ZMYM3: variants seen among roughly 807,000 people sequenced by gnomAD.
The protein encoded by ZMYM3 is zinc finger MYM-type containing 3.
ZMYM3 carries 6 observed loss-of-function variants against 94.2 expected under a neutral mutation model. The observed-to-expected ratio is 0.06, with a 90% CI of 0.03 to 0.13. The LOEUF is 0.13. Ranked by LOEUF, ZMYM3 falls within the 10% of genes least tolerant of loss-of-function variation. The pLI, the probability that ZMYM3 is intolerant of heterozygous loss-of-function variation, is 1.00. For synonymous variants in ZMYM3, 420 were observed against 426.5 expected, an observed-to-expected ratio of 0.98 and a Z score of 0.19; for missense variants, 664 against 1,132.6, an observed-to-expected ratio of 0.59 and a Z score of 5.94.
intron 22 of ZMYM3, 21 bp from the exon 23 acceptor site, chrX:71,242,445 AG>A (rs1220208014): frequency 1.7e-6 from 2 of 1,203,176 alleles, no homozygotes; most frequent in East Asian, 6.0e-5. Context: ...CAAGGGGGAG[AG>A]GCCAGTCAGG....
chrX:71,249,753 C>G (rs1361563549), intron 6 of ZMYM3, 74 bp from the exon 7 acceptor site: 11 of 1,151,224 alleles, frequency 9.6e-6, no homozygotes, highest in South Asian at 8.2e-5. Flanking sequence ...GTCAGCCCCC[C>G]ACCTCACCCT....
intron 13 of ZMYM3, 92 bp from the exon 14 acceptor site, chrX:71,246,784 A>C: frequency 1.2e-6 from 1 of 861,155 alleles, no homozygotes. Flanking sequence ...TAACAGGTAC[A>C]CCAAATACAG....
At chrX:71,246,160 A>C in intron 15 of ZMYM3, 62 bp from the exon 16 acceptor site, 3 of 1,128,175 alleles carry the variant, frequency 2.7e-6, no homozygotes, top group Non-Finnish European at 3.6e-6. Context: ...TGACCCACCA[A>C]AAGCTCTAAC....
intron 13 of ZMYM3, among the ~76,000 whole-genome samples, 170 bp downstream of exon 13, chrX:71,247,174 TC>T (rs1264945947): frequency 9.0e-6 from 1 of 111,167 alleles, no homozygotes; most frequent in African/African-American, 3.3e-5. Flanking sequence ...TAAATAAGAC[TC>T]CCCCGGTACC....
rs1483495652 is a variant in ZMYM3, at chrX:71,241,003, G to T, written c.4026C>A (p.Ser1342Arg). The T allele has an allele frequency of 8.3e-7, 1 of 1,211,666 alleles. No individual in the cohort carries two copies. Among genetic ancestry groups the T allele is most frequent in the Non-Finnish European group, 1.1e-6 (1 of 895,480 alleles). ...LWYSVIPMDR[S>R]MLESMLNRIL... is the part of the protein sequence containing the mutation. ...TGCGATTGAGCATGCTCTCCAACATGCTGCGGTCCATGGGGATCACAGAAT... is the reference window on the plus strand; with the variant it reads ...TGCGATTGAGCATGCTCTCCAACATTCTGCGGTCCATGGGGATCACAGAAT... The change falls in exon 25 of 25, where the codon AGC (serine) becomes AGA (arginine). Residue 1342 changes from serine to arginine, a missense_variant. Around this residue, in one of 9 missense-constraint regions of ZMYM3, gnomAD observed 58 missense variants for 112.4 expected, o/e 0.52. Transcript: ENST00000314425.
In ZMYM3 at chrX:71,252,591, G is replaced by T; in HGVS notation, c.665C>A (p.Pro222Gln). ...CTCCAGATAATTAGGCAACCTACCT[G>T]GCAAGGAAGGATGTGCAGGGGGGCT... ...GSSPPAHPSL[P>Q]GDGLTAKASE... is the part of the protein sequence containing the mutation. The change falls in exon 2 of 25, where the codon CCA becomes CAA. Residue 222 changes from proline to glutamine, a missense_variant and splice_region_variant. By Grantham distance (76) the Pro-to-Gln change is moderately conservative (BLOSUM62 -1). This residue lies in a region of ZMYM3 where 196 missense variants were observed against 190.8 expected (regional missense o/e 1.03). Coordinates refer to ENST00000314425, the MANE Select transcript of ZMYM3 (RefSeq NM_201599.3). The T allele has an allele frequency of 8.8e-7, 1 of 1,136,677 alleles. No individual in the cohort carries two copies. The highest frequency in any genetic ancestry group is 1.2e-6 in the Non-Finnish European group (1 of 860,219). 93.7% of individuals were successfully genotyped at this position (1,136,677 alleles called of 1,213,427 possible). A position where few individuals can be genotyped will look rare whatever the true frequency, so the allele number is the denominator to read the frequency against.
At chrX:71,245,127 T>TAAAAAAAAAA (rs5902685) in intron 18 of ZMYM3, among the ~76,000 whole-genome samples, 2 of 42,624 alleles carry the variant, frequency 4.7e-5, no homozygotes, top group Non-Finnish European at 4.4e-5. Context: ...GCTTAAAAAT[T>TAAAAAAAAAA]AAAAAAAAAA....
At chrX:71,249,804 C>A in intron 6 of ZMYM3, 125 bp from the exon 7 acceptor site, 1 of 1,102,895 alleles carries the variant, frequency 9.1e-7, no homozygotes, top group Middle Eastern at 3.6e-4. Flanking sequence ...ACCCCCCAAC[C>A]TGCGCCGCAG....
chrX:71,242,904 C>T, intron 22 of ZMYM3, 66 bp downstream of exon 22: 1 of 1,053,124 alleles, frequency 9.5e-7, no homozygotes, highest in East Asian at 3.0e-5. Flanking sequence ...CAGCACAGGA[C>T]TCTCGGGATG....
In ZMYM3 at chrX:71,252,917, C is replaced by G. The variant is rs139408025; in HGVS notation, c.339G>C (p.Glu113Asp). 8.3e-7 allele frequency: 1 copy of G among 1,210,043 alleles called. No individual in the cohort carries two copies. The highest frequency in any genetic ancestry group is 2.2e-5 in the Admixed American group (1 of 45,862). ...CAGGGGTCTGGCCCCCTGGTCCAGG[C>G]TCTAGGGTCTGATCTCCTGCATCCC... Reference protein sequence around the residue: ...LAWDAGDQTLEPGPGGQTPEV... With the variant: ...LAWDAGDQTLDPGPGGQTPEV... The change falls in exon 2 of 25, where the codon GAG (glutamate) becomes GAC (aspartate). Residue 113 changes from glutamate to aspartate, a missense_variant. Glu to Asp is a conservative substitution (Grantham distance 45, BLOSUM62 2). Coordinates refer to ENST00000314425, the MANE Select transcript of ZMYM3 (RefSeq NM_201599.3).
Position 71,253,019 on chromosome X carries a change from C to A in ZMYM3, c.237G>T (p.Leu79Phe). The A allele has an allele frequency of 8.3e-7, 1 of 1,206,832 alleles. No homozygotes were observed. The highest frequency in any genetic ancestry group is 3.0e-5 in the East Asian group (1 of 33,730). ...DPGVLDGATE[L>F]LGLGGLLYKA... ...TATAGAGCAGCCCCCCCAGCCCCAG[C>A]AACTCAGTGGCTCCATCCAGGACTC... The change falls in exon 2 of 25, where the codon TTG becomes TTT. Residue 79 changes from leucine (L) to phenylalanine (F), a missense_variant. Physicochemically the swap from Leu to Phe is conservative, Grantham distance 22. Transcript: ENST00000314425.
At chrX:71,251,926 C>A in intron 2 of ZMYM3, 1 of 718,124 alleles carries the variant, frequency 1.4e-6, no homozygotes, top group Non-Finnish European at 1.6e-6. Context: ...ACACACACAA[C>A]CACCCAAAGG....
Position 71,251,551 on chromosome X carries a change from C to T in ZMYM3, c.711+7G>A, listed in dbSNP as rs764278204. ...AACCAGACTCCTTCCAATCCCCTCCCCCTCACCCGTTCAGGCGGCTTCTCA... is the reference window on the plus strand; with the variant it reads ...AACCAGACTCCTTCCAATCCCCTCCTCCTCACCCGTTCAGGCGGCTTCTCA... On this transcript the variant is annotated splice_region_variant and intron_variant, in intron 3 of 24. Coordinates refer to ENST00000314425, the MANE Select transcript of ZMYM3 (RefSeq NM_201599.3). The T allele has an allele frequency of 1.9e-5, 23 of 1,187,464 alleles. No homozygotes were observed. Among genetic ancestry groups the T allele is most frequent in the African/African-American group, 3.6e-5 (2 of 56,097 alleles).
At chrX:71,248,562 G>T (rs756404969) in intron 9 of ZMYM3, 38 bp from the exon 10 acceptor site, 87 of 1,179,729 alleles carry the variant, frequency 7.4e-5, no homozygotes, top group Non-Finnish European at 9.7e-5. Flanking sequence ...GGGGCAAGAT[G>T]TGTGCAGCGG....
At chrX:71,244,926 T>G (rs1377410186) in intron 18 of ZMYM3, 33 bp from the exon 19 acceptor site, 4 of 1,115,169 alleles carry the variant, frequency 3.6e-6, no homozygotes, top group Non-Finnish European at 4.9e-6. Context: ...GAAATCAATT[T>G]CTTAAGATCT....
rs771442498 is a variant in ZMYM3 at position 71,253,004 on chromosome X, C to A, written c.252G>T (p.Gly84=). The A allele has an allele frequency of 3.2e-5, 38 of 1,202,689 alleles. No individual in the cohort carries two copies. In the East Asian group the frequency reaches 1.1e-3, roughly 36 times the overall value. ...GGGGAGAGGGGGCTTTATAGAGCAG[C>A]CCCCCCAGCCCCAGCAACTCAGTGG... ...DGATELLGLG[G]LLYKAPSPPE... Residue 84 remains glycine (G), a synonymous_variant, in exon 2 of 25, where the codon GGG becomes GGT. Transcript: ENST00000314425.
Position 71,241,033 on chromosome X carries a change from G to A in ZMYM3, c.3996C>T (p.Leu1332=), listed in dbSNP as rs2029919251. The change falls in exon 25 of 25, where the codon CTC becomes CTT. Residue 1332 remains leucine (L), a synonymous_variant. Coordinates refer to ENST00000314425, the MANE Select transcript of ZMYM3 (RefSeq NM_201599.3). The part of the protein sequence containing the change: ...PERSCIAESP[L]WYSVIPMDRS... ...GGTCCATGGGGATCACAGAATACCA[G>A]AGAGGTGACTCGGCGATGCAGGACC... 18 of 1,209,523 alleles carry A rather than the reference G, an allele frequency of 1.5e-5. No homozygotes were observed. Among genetic ancestry groups the A allele is most frequent in the Non-Finnish European group, 2.0e-5 (18 of 895,188 alleles).
Position 71,248,190 on chromosome X carries a change from G to A in ZMYM3, c.1947C>T (p.Ser649=), listed in dbSNP as rs747782101. 12 of 1,210,203 alleles carry A rather than the reference G, an allele frequency of 9.9e-6. No individual in the cohort carries two copies. The East Asian group carries it at 2.4e-4, about 24-fold the overall frequency. ...EKLLHEKLRF[S]GVEKSFCSEG... ...CGCTGCAGAAGCTTTTCTCCACTCCGCTGAATCGGAGTTTCTCATGCAAGA... is the reference window on the plus strand; with the variant it reads ...CGCTGCAGAAGCTTTTCTCCACTCCACTGAATCGGAGTTTCTCATGCAAGA... Residue 649 remains serine, a synonymous_variant, in exon 11 of 25, where the codon AGC becomes AGT. Transcript: ENST00000314425.
chrX:71,248,308 T>C lies in ZMYM3; in HGVS notation c.1829A>G (p.Gln610Arg), dbSNP rs2030277278. The C allele has an allele frequency of 1.7e-6, 2 of 1,201,853 alleles. No homozygotes were observed. Among genetic ancestry groups the C allele is most frequent in the South Asian group, 1.8e-5 (1 of 54,889 alleles). The change falls in exon 11 of 25, where the codon CAA becomes CGA. Residue 610 changes from glutamine (Q) to arginine (R), a missense_variant. Gln to Arg is a conservative substitution (Grantham distance 43). Transcript: ENST00000314425. ...ATCACGGCAGCAGAACTGGAACACT[T>C]GGTCCTGAGGTGGGGGCACAGGGCA... ...GKPEVLDWQD[Q>R]VFQFCCRDCC... is the part of the protein sequence containing the mutation.
Sources: allele counts gnomAD v4.1 joint callset (sites outside exome capture counted in the v4.1 genomes callset), GRCh38; gene constraint gnomAD v4.1.1; regional missense constraint gnomAD v4.1.1; transcripts MANE v1.5; gene names NCBI Gene and HGNC (gene_info 2026-07-23, HGNC 2026-07-21).